The following LARP4 variants were observed in gnomAD, a reference collection of about 807,000 sequenced individuals.
LARP4 encodes the protein la-related protein 4.
Under a neutral mutation model 92.9 loss-of-function variants are expected in LARP4, and 29 were observed. The observed-to-expected ratio is 0.31, with a 90% CI of 0.23 to 0.43. LARP4 has a LOEUF of 0.43. LARP4 is among the 20% of genes least tolerant of loss of function. The probability of loss-of-function intolerance (pLI) is 1.00; values close to 1 mark genes in which losing one functional copy is unlikely to be tolerated. For synonymous variants in LARP4, 279 were observed against 284.1 expected, an observed-to-expected ratio of 0.98 and a Z score of 0.18; for missense variants, 732 against 860.0, an observed-to-expected ratio of 0.85 and a Z score of 1.86.
chr12:50,464,429 T>A (rs1955868873), intron 12 of LARP4, among the ~76,000 whole-genome samples: 1 of 152,238 alleles, frequency 6.6e-6, no homozygotes. Flanking sequence ...ATGCTTTTGT[T>A]ACCCAGGCTA....
At chr12:50,470,017 C>T (rs572377413) in intron 13 of LARP4, among the ~76,000 whole-genome samples, 5 of 150,916 alleles carry the variant, frequency 3.3e-5, no homozygotes, top group Admixed American at 1.3e-4. Flanking sequence ...CCCAGGAGTT[C>T]GAGACCAATG....
chr12:50,467,152 G>A, intron 13 of LARP4, 32 bp downstream of exon 13: 1 of 1,545,930 alleles, frequency 6.5e-7, no homozygotes, highest in Non-Finnish European at 8.8e-7. Context: ...CTTACCTTAT[G>A]AGACCATATT....
chr12:50,401,118 C>A, intron 1 of LARP4, 90 bp downstream of exon 1: 1 of 1,456,468 alleles, frequency 6.9e-7, no homozygotes, highest in Non-Finnish European at 9.6e-7. Context: ...ACTTTCCGGG[C>A]CGTACACGCC....
intron 6 of LARP4, among the ~76,000 whole-genome samples, chr12:50,439,178 A>G (rs58500867): frequency 0.11 from 16,694 of 152,144 alleles, 1,823 homozygotes; most frequent in East Asian, 0.47. Context: ...CGCTCAAGCA[A>G]TCTGTGCACC....
At chr12:50,408,378 G>T (rs938037576) in intron 1 of LARP4, among the ~76,000 whole-genome samples, 9 of 151,780 alleles carry the variant, frequency 5.9e-5, no homozygotes, top group Admixed American at 1.3e-4. Context: ...TGTATTTTTA[G>T]TAGAGACAGG....
chr12:50,474,287 T>A, intron 15 of LARP4, 120 bp downstream of exon 15: 1 of 723,334 alleles, frequency 1.4e-6, no homozygotes, highest in South Asian at 1.9e-5. Flanking sequence ...TGGGGCTGAC[T>A]ATCAGAAAGA....
intron 1 of LARP4, chr12:50,421,211 A>G: frequency 1.1e-6 from 1 of 889,744 alleles, no homozygotes; most frequent in Non-Finnish European, 1.3e-6. Context: ...GGCCTCTCAA[A>G]GTGCTTTGAT....
chr12:50,432,276 A>C (rs377260615), intron 4 of LARP4, among the ~76,000 whole-genome samples: 1 of 152,254 alleles, frequency 6.6e-6, no homozygotes, highest in Non-Finnish European at 1.5e-5. Context: ...TGTAGGTGAT[A>C]TAACTCTAGA....
chr12:50,470,801 C>G (rs1225930185), intron 13 of LARP4, among the ~76,000 whole-genome samples: 1 of 152,128 alleles, frequency 6.6e-6, no homozygotes, highest in African/African-American at 2.4e-5. Flanking sequence ...GTGTATCTCC[C>G]CACTATTTAT....
intron 13 of LARP4, among the ~76,000 whole-genome samples, chr12:50,469,387 G>A (rs897564005): frequency 2.0e-5 from 3 of 152,028 alleles, no homozygotes; most frequent in Non-Finnish European, 1.5e-5. Flanking sequence ...GGCAGATCAC[G>A]AAGTCAGGAG....
intron 1 of LARP4, among the ~76,000 whole-genome samples, chr12:50,414,578 C>G (rs1479708378): frequency 6.6e-6 from 1 of 152,190 alleles, no homozygotes; most frequent in Non-Finnish European, 1.5e-5. Flanking sequence ...GCTGGGATTA[C>G]AGACATGCAC....
chr12:50,414,583 A>G (rs1946450678), intron 1 of LARP4, among the ~76,000 whole-genome samples: 1 of 152,188 alleles, frequency 6.6e-6, no homozygotes, highest in Admixed American at 6.6e-5. Context: ...GATTACAGAC[A>G]TGCACCACTG....
At chr12:50,436,099 C>T (rs1490807324) in intron 5 of LARP4, among the ~76,000 whole-genome samples, 1 of 72,006 alleles carries the variant, frequency 1.4e-5, no homozygotes, top group Non-Finnish European at 2.6e-5. Flanking sequence ...GTGTATCCCG[C>T]TGGTGTGTGT....
intron 6 of LARP4, among the ~76,000 whole-genome samples, 157 bp downstream of exon 6, chr12:50,437,995 T>C (rs1221041965): frequency 1.3e-5 from 2 of 152,214 alleles, no homozygotes; most frequent in Non-Finnish European, 2.9e-5. Flanking sequence ...TAAATACTAA[T>C]TTGTTTCATT....
chr12:50,468,642 G>T (rs1956499422), intron 13 of LARP4, among the ~76,000 whole-genome samples: 1 of 152,026 alleles, frequency 6.6e-6, no homozygotes. Flanking sequence ...TCCATTTTCA[G>T]CAGTGTCTGT....
chr12:50,445,782 C>A (rs1003359297), intron 8 of LARP4, among the ~76,000 whole-genome samples: 3 of 152,046 alleles, frequency 2.0e-5, no homozygotes, highest in Non-Finnish European at 4.4e-5. Flanking sequence ...AATATTTCTT[C>A]TCTCTCTGCT....
chr12:50,462,743 A>G, intron 12 of LARP4, 113 bp downstream of exon 12: 1 of 724,930 alleles, frequency 1.4e-6, no homozygotes, highest in Non-Finnish European at 2.3e-6. Flanking sequence ...AGTCTTCAGC[A>G]AAGGTAAATA....
chr12:50,423,364 G>A (rs749781428), intron 1 of LARP4, among the ~76,000 whole-genome samples: 93 of 152,088 alleles, frequency 6.1e-4, no homozygotes, highest in Admixed American at 2.7e-3. Flanking sequence ...GATAGAATGC[G>A]TCGGTGTTTG....
chr12:50,409,140 A>G (rs1945384792), intron 1 of LARP4, among the ~76,000 whole-genome samples: 1 of 152,146 alleles, frequency 6.6e-6, no homozygotes, highest in South Asian at 2.1e-4. Flanking sequence ...AGATACATTT[A>G]TATACAAGGT....
Sources: allele counts gnomAD v4.1 joint callset (sites outside exome capture counted in the v4.1 genomes callset), GRCh38; gene constraint gnomAD v4.1.1; transcripts MANE v1.5; gene names NCBI Gene and HGNC (gene_info 2026-07-23, HGNC 2026-07-21).